CSMD1: variants seen among roughly 807,000 people sequenced by gnomAD.
CSMD1 encodes the protein CUB and sushi domain-containing protein 1.
In CSMD1, 213 loss-of-function variants were observed where a neutral mutation model predicts 417.5. That is an observed-to-expected ratio of 0.51 (90% CI 0.46 to 0.57). The LOEUF is 0.57. Among genes scored for constraint, CSMD1 ranks in the 20% least tolerant of loss-of-function variants. The probability of loss-of-function intolerance (pLI) is 0.00; values close to 1 mark genes in which losing one functional copy is unlikely to be tolerated. For synonymous variants in CSMD1, 2,862 were observed against 1,736.8 expected, an observed-to-expected ratio of 1.65 and a Z score of -16.11; for missense variants, 6,923 against 4,529.7, an observed-to-expected ratio of 1.53 and a Z score of -15.17.
intron 25 of CSMD1, among the ~76,000 whole-genome samples, chr8:3,300,056 C>G (rs576787846): frequency 7.9e-4 from 120 of 152,254 alleles, no homozygotes; most frequent in Admixed American, 1.5e-3. Flanking sequence ...AAATTAAAAA[C>G]AACCTGAATA....
chr8:4,561,173 C>T lies in CSMD1; in HGVS notation c.302+76169G>A, dbSNP rs879343315. Among the ~76,000 whole-genome samples, 8 of 152,222 alleles carry T rather than the reference C, an allele frequency of 5.3e-5. No individual in the cohort carries two copies. The South Asian group carries it at 6.2e-4, about 12-fold the overall frequency. ...GATCATGAGGTCAGGAGATCAAGAC[C>T]ATCCTGGCCAACCTGGTGAAACCCC... is the stretch of plus-strand genomic sequence containing the variant. On this transcript the variant is annotated intron_variant, in intron 2 of 69. Coordinates refer to ENST00000635120, the MANE Select transcript of CSMD1 (RefSeq NM_033225.6).
chr8:2,947,668 G>C (rs1019870931), intron 68 of CSMD1, among the ~76,000 whole-genome samples: 7 of 152,114 alleles, frequency 4.6e-5, no homozygotes, highest in African/African-American at 1.4e-4. Context: ...AGCTCACTGG[G>C]GTGTCCTTCA....
intron 5 of CSMD1, among the ~76,000 whole-genome samples, chr8:3,846,069 A>T (rs537469703): frequency 6.8e-5 from 10 of 147,804 alleles, no homozygotes; most frequent in South Asian, 4.3e-4. Flanking sequence ...ATTAAAAAAA[A>T]AATAATAAGC....
chr8:4,870,054 G>A (rs996925092), intron 1 of CSMD1, among the ~76,000 whole-genome samples: 13 of 152,018 alleles, frequency 8.6e-5, no homozygotes, highest in African/African-American at 2.7e-4. Context: ...TACCAGAACC[G>A]CAGACTTCAA....
At chr8:2,963,079 T>G in intron 60 of CSMD1, 143 bp downstream of exon 60, 1 of 876,872 alleles carries the variant, frequency 1.1e-6, no homozygotes, top group Non-Finnish European at 1.7e-6. Context: ...GGCAACACAG[T>G]CTCAAGTTTG....
At chr8:3,442,615 A>G (rs945009936) in intron 12 of CSMD1, among the ~76,000 whole-genome samples, 1 of 152,140 alleles carries the variant, frequency 6.6e-6, no homozygotes, top group Admixed American at 6.6e-5. Flanking sequence ...AGGCTATACA[A>G]TCTGGGTTTG....
At chr8:3,574,686 C>G (rs538831054) in intron 10 of CSMD1, among the ~76,000 whole-genome samples, 3 of 152,288 alleles carry the variant, frequency 2.0e-5, no homozygotes, top group East Asian at 1.9e-4. Context: ...AGAGAAAGCA[C>G]TATGATACAT....
chr8:3,879,287 C>G (rs1449773376), intron 5 of CSMD1, among the ~76,000 whole-genome samples: 1 of 152,062 alleles, frequency 6.6e-6, no homozygotes, highest in East Asian at 1.9e-4. Context: ...GTATCAATAT[C>G]AAATGTATGT....
At chr8:3,696,881 C>T (rs1356214865) in intron 7 of CSMD1, among the ~76,000 whole-genome samples, 1 of 152,120 alleles carries the variant, frequency 6.6e-6, no homozygotes, top group Non-Finnish European at 1.5e-5. Context: ...CTCATATGAA[C>T]TCCCATGAAA....
intron 1 of CSMD1, among the ~76,000 whole-genome samples, chr8:4,698,583 A>G (rs1406420970): frequency 7.2e-6 from 1 of 139,692 alleles, no homozygotes; most frequent in Non-Finnish European, 1.5e-5. Flanking sequence ...TTTTTATACA[A>G]TGGAAATGAT....
intron 10 of CSMD1, among the ~76,000 whole-genome samples, chr8:3,565,213 G>GAC (rs1554471750): frequency 0.38 from 52,227 of 138,806 alleles, 10,126 homozygotes; most frequent in Middle Eastern, 0.47. Flanking sequence ...TAGATAGATA[G>GAC]AGAGATAGAC....
intron 3 of CSMD1, among the ~76,000 whole-genome samples, chr8:4,287,671 T>TTATTATTAA (rs1797136841): frequency 6.7e-6 from 1 of 149,504 alleles, no homozygotes; most frequent in African/African-American, 2.4e-5. Context: ...ATTATTATTA[T>TTATTATTAA]TATTATTATT....
chr8:3,668,074 G>A (rs960431193), intron 7 of CSMD1, among the ~76,000 whole-genome samples: 60 of 152,126 alleles, frequency 3.9e-4, no homozygotes, highest in African/African-American at 1.4e-3. Flanking sequence ...TCTCAATCAG[G>A]TGCAGTCATT....
At chr8:3,120,943 T>C (rs946041739) in intron 41 of CSMD1, among the ~76,000 whole-genome samples, 2 of 152,132 alleles carry the variant, frequency 1.3e-5, no homozygotes, top group Non-Finnish European at 2.9e-5. Flanking sequence ...GTCATTAGAA[T>C]AGGGCCATAA....
chr8:4,469,492 T>G (rs886563811), intron 2 of CSMD1, among the ~76,000 whole-genome samples: 1 of 152,172 alleles, frequency 6.6e-6, no homozygotes, highest in East Asian at 1.9e-4. Context: ...AACAGGTGAG[T>G]AGATTTTACC....
chr8:4,962,704 A>T (rs1430594193), intron 1 of CSMD1, among the ~76,000 whole-genome samples: 1 of 152,176 alleles, frequency 6.6e-6, no homozygotes, highest in Non-Finnish European at 1.5e-5. Flanking sequence ...GGGATGTGCA[A>T]GATTGATGGA....
At chr8:3,253,538 A>G (rs1018409881) in intron 26 of CSMD1, among the ~76,000 whole-genome samples, 5 of 152,232 alleles carry the variant, frequency 3.3e-5, no homozygotes, top group Non-Finnish European at 5.9e-5. Context: ...GTAGATGTCT[A>G]TTAGGTCCAC....
At chr8:4,163,202 C>G (rs1797267294) in intron 3 of CSMD1, among the ~76,000 whole-genome samples, 1 of 152,170 alleles carries the variant, frequency 6.6e-6, no homozygotes, top group Admixed American at 6.5e-5. Flanking sequence ...CATCCCTTGG[C>G]AGGTTTTTCA....
intron 6 of CSMD1, among the ~76,000 whole-genome samples, chr8:3,712,878 G>C (rs1801608837): frequency 6.6e-6 from 1 of 152,144 alleles, no homozygotes; most frequent in African/African-American, 2.4e-5. Flanking sequence ...CTGGTCAAAA[G>C]ATGGACAATT....
Sources: allele counts gnomAD v4.1 joint callset (sites outside exome capture counted in the v4.1 genomes callset), GRCh38; gene constraint gnomAD v4.1.1; transcripts MANE v1.5; gene names NCBI Gene and HGNC (gene_info 2026-07-23, HGNC 2026-07-21).